APLP2: variants seen among roughly 807,000 people sequenced by gnomAD.
APLP2 encodes the protein amyloid beta precursor like protein 2.
A neutral mutation model predicts 89.9 loss-of-function variants in APLP2; 53 were observed. The observed-to-expected ratio is 0.59, with a 90% confidence interval of 0.47 to 0.74. The LOEUF (loss-of-function observed/expected upper bound fraction) is 0.74, where lower values mean the gene tolerates loss of function less well. Ranked by LOEUF, APLP2 falls within the 30% of genes least tolerant of loss-of-function variation. APLP2 has a pLI of 0.00. For missense variants in APLP2, 973 were observed against 975.9 expected (o/e 1.00, Z 0.04); for synonymous variants, 372 against 348.6 (o/e 1.07, Z -0.75).
At chr11:130,119,132 G>A (rs181076266) in intron 3 of APLP2, among the ~76,000 whole-genome samples, 24 of 152,240 alleles carry the variant, frequency 1.6e-4, no homozygotes, top group African/African-American at 5.8e-4. Context: ...CACTAGCTGG[G>A]CCCTAAGCCC....
At chr11:130,110,445 G>A in intron 2 of APLP2, 93 bp from the exon 3 acceptor site, 1 of 1,478,288 alleles carries the variant, frequency 6.8e-7, no homozygotes, top group South Asian at 1.3e-5. Flanking sequence ...GATAAGGGTG[G>A]AGGCTGAATA....
At chr11:130,132,221 G>T (rs1411540297) in intron 11 of APLP2, among the ~76,000 whole-genome samples, 2 of 152,078 alleles carry the variant, frequency 1.3e-5, no homozygotes, top group East Asian at 3.8e-4. Context: ...GGCTTCATTT[G>T]CATTTTTTCT....
intron 10 of APLP2, 76 bp from the exon 11 acceptor site, chr11:130,129,961 CT>C (rs1280281464): frequency 1.1e-5 from 17 of 1,524,108 alleles, no homozygotes; most frequent in Non-Finnish European, 1.5e-5. Flanking sequence ...CTTAAGTGAA[CT>C]TTTTAAGCTT....
At position 130,123,926 on chromosome 11, in the gene APLP2, C is replaced by T; in HGVS notation, c.1090+147C>T. On this transcript the variant is annotated intron_variant, in intron 7 of 16. Coordinates refer to ENST00000338167, the MANE Select transcript of APLP2 (RefSeq NM_001142276.2). This position sits in a 1 kb window ranked among gnomAD's most constrained non-coding sequence, Gnocchi z 4.0. ...CGTCTTCCCCTCATCTTTGTGCTTT[C>T]TAGATCTAGGCTTTGCTCTCCTGCC... 1 of 876,130 alleles carries T rather than the reference C, an allele frequency of 1.1e-6. No individual in the cohort carries two copies. Among genetic ancestry groups the T allele is most frequent in the South Asian group, 1.6e-5 (1 of 61,002 alleles). 54.3% of individuals were successfully genotyped at this position (876,130 alleles called of 1,614,324 possible). A position where few individuals can be genotyped will look rare whatever the true frequency, so the allele number is the denominator to read the frequency against.
Position 130,076,658 on chromosome 11 carries a change from C to T in APLP2, c.105+6576C>T, listed in dbSNP as rs1159333737. Among the ~76,000 whole-genome samples the T allele has an allele frequency of 2.0e-5, 3 of 152,180 alleles. No homozygotes were observed. In the East Asian group the frequency reaches 5.8e-4, roughly 29 times the overall value. On this transcript the variant is annotated intron_variant, in intron 1 of 16. Transcript: ENST00000338167. Reference sequence around the variant, plus strand: ...TAAAAGGTTGCTTAATTGAGCTGTCCCCACCGCCTTCCTACCCTGCCTTCC... The same window carrying T: ...TAAAAGGTTGCTTAATTGAGCTGTCTCCACCGCCTTCCTACCCTGCCTTCC...
chr11:130,127,360 G>T (rs974128634), intron 8 of APLP2, among the ~76,000 whole-genome samples: 3 of 152,190 alleles, frequency 2.0e-5, no homozygotes, highest in Non-Finnish European at 4.4e-5. Flanking sequence ...GGATTGAAGA[G>T]AATTGAAAAG....
intron 1 of APLP2, among the ~76,000 whole-genome samples, chr11:130,081,739 T>C (rs1017860744): frequency 3.9e-5 from 6 of 152,232 alleles, no homozygotes; most frequent in Admixed American, 6.5e-5. Context: ...TACAGAAATA[T>C]ACCTTATGTG....
chr11:130,136,658 G>C (rs1426602276), intron 13 of APLP2, among the ~76,000 whole-genome samples: 3 of 152,126 alleles, frequency 2.0e-5, no homozygotes, highest in Admixed American at 2.0e-4. Context: ...TAATGGAAAT[G>C]CTTTCTAAAC....
At chr11:130,133,551 C>G in intron 11 of APLP2, 78 bp from the exon 12 acceptor site, 1 of 1,034,836 alleles carries the variant, frequency 9.7e-7, no homozygotes, top group Non-Finnish European at 1.5e-6. Flanking sequence ...GAAGTTGTGT[C>G]GATGTTCCAG....
rs573648883 is a variant in APLP2, at chr11:130,142,715, G to A, written c.2155-632G>A. Among the ~76,000 whole-genome samples, 258 of 152,310 alleles carry A rather than the reference G, an allele frequency of 1.7e-3. 1 individual carries two copies. The highest frequency in any genetic ancestry group is 6.0e-3 in the African/African-American group (249 of 41,570). ...TGCAACCTCTGTCTCCCGGGTTCAGGTGATTCTTGTGCCTCAGCCTCCCAC... is the reference window on the plus strand; with the variant it reads ...TGCAACCTCTGTCTCCCGGGTTCAGATGATTCTTGTGCCTCAGCCTCCCAC... On this transcript the variant is annotated intron_variant, in intron 16 of 16. Coordinates refer to ENST00000338167, the MANE Select transcript of APLP2 (RefSeq NM_001142276.2).
chr11:130,118,915 C>T (rs1323097408), intron 3 of APLP2, among the ~76,000 whole-genome samples: 1 of 152,194 alleles, frequency 6.6e-6, no homozygotes, highest in African/African-American at 2.4e-5. Context: ...ATTTGTAATG[C>T]AGTTTTCATG....
intron 1 of APLP2, chr11:130,100,302 G>A (rs757620330): frequency 3.9e-5 from 6 of 152,074 alleles, no homozygotes; most frequent in South Asian, 2.1e-4. Flanking sequence ...ATGGTTGGCC[G>A]AGGCCAGTCC....
chr11:130,098,556 A>C (rs1946516871), intron 1 of APLP2, among the ~76,000 whole-genome samples: 1 of 152,256 alleles, frequency 6.6e-6, no homozygotes, highest in Non-Finnish European at 1.5e-5. Context: ...AGTCAGTTAC[A>C]GCATTTCAGC....
chr11:130,093,481 A>G (rs971980535), intron 1 of APLP2, among the ~76,000 whole-genome samples: 3 of 152,254 alleles, frequency 2.0e-5, no homozygotes, highest in African/African-American at 7.2e-5. Context: ...GTGGAAGCAG[A>G]ACTAAGACCC....
At position 130,127,772 on chromosome 11, in the gene APLP2, A is replaced by G. The variant is rs776721208; in HGVS notation, c.1228A>G (p.Lys410Glu). The change falls in exon 9 of 17, where the codon AAG (lysine) becomes GAG (glutamate). Residue 410 changes from lysine to glutamate, a missense_variant. Lys to Glu is a moderately conservative substitution (Grantham distance 56). Coordinates refer to ENST00000338167, the MANE Select transcript of APLP2 (RefSeq NM_001142276.2). ...RHRNRMDRVK[K>E]EWEEAELQAK... ...TTTTTGACCTTTGTTCTAGGTAAAG[A>G]AGGAATGGGAAGAGGCAGAGCTTCA... 1.2e-6 allele frequency: 2 copies of G among 1,614,154 alleles called. No individual in the cohort carries two copies. The highest frequency in any genetic ancestry group is 3.3e-5 in the Admixed American group (2 of 60,018).
chr11:130,110,479 T>A, intron 2 of APLP2, 59 bp from the exon 3 acceptor site: 1 of 1,594,094 alleles, frequency 6.3e-7, no homozygotes, highest in South Asian at 1.1e-5. Context: ...CATCCTTACT[T>A]GCAAGTGTGT....
chr11:130,124,788 G>A (rs901579723), intron 7 of APLP2, among the ~76,000 whole-genome samples: 4 of 152,232 alleles, frequency 2.6e-5, no homozygotes, highest in East Asian at 3.9e-4. Flanking sequence ...GTTTTTATTC[G>A]GTAACAGTTG....
At chr11:130,110,751 C>G (rs1948444214) in intron 3 of APLP2, 90 bp downstream of exon 3, 4 of 1,427,874 alleles carry the variant, frequency 2.8e-6, no homozygotes, top group Admixed American at 2.6e-5. Context: ...ATATTTACAC[C>G]TGTTAAGAAG....
At chr11:130,084,730 G>A (rs1943831358) in intron 1 of APLP2, among the ~76,000 whole-genome samples, 1 of 151,296 alleles carries the variant, frequency 6.6e-6, no homozygotes. Flanking sequence ...AAAAAAATAA[G>A]AAAGATCTCA....
Sources: gnomAD v4.1 joint callset for allele counts (sites outside exome capture counted in the v4.1 genomes callset) on GRCh38, gnomAD v4.1.1 for gene constraint, Gnocchi (gnomAD v3.1) non-coding constraint, MANE v1.5 for transcripts, NCBI Gene and HGNC (gene_info 2026-07-23, HGNC 2026-07-21) for gene names.